COLQ: variants seen among roughly 807,000 people sequenced by gnomAD.
COLQ encodes the protein collagen like tail subunit of asymmetric acetylcholinesterase.
COLQ carries 48 observed loss-of-function variants against 69.0 expected under a neutral mutation model. The observed-to-expected ratio is 0.70, with a 90% CI of 0.55 to 0.88. The LOEUF is 0.88. Among genes scored for constraint, COLQ ranks in the 40% least tolerant of loss-of-function variants. COLQ has a pLI of 0.00. For missense variants in COLQ, 618 were observed against 594.6 expected, an observed-to-expected ratio of 1.04 and a Z score of -0.41; for synonymous variants, 217 against 211.2, an observed-to-expected ratio of 1.03 and a Z score of -0.24.
chr3:15,454,361 C>T (rs2061995331), intron 15 of COLQ, among the ~76,000 whole-genome samples: 1 of 152,190 alleles, frequency 6.6e-6, no homozygotes, highest in Non-Finnish European at 1.5e-5. Context: ...AGCCTTGTGT[C>T]CCTGGGGAGC....
intron 1 of COLQ, among the ~76,000 whole-genome samples, chr3:15,497,036 CTT>C (rs371974104): frequency 5.6e-5 from 6 of 107,526 alleles, no homozygotes; most frequent in Admixed American, 1.1e-4. Flanking sequence ...GTCCTTTTGC[CTT>C]TTTTTTTTTT....
Position 15,475,701 on chromosome 3 carries a change from C to T in COLQ, c.466-214G>A, listed in dbSNP as rs75395973. On this transcript the variant is annotated intron_variant, in intron 6 of 16. Coordinates refer to ENST00000383788, the MANE Select transcript of COLQ (RefSeq NM_005677.4). ...TTTAAGATTAAATATAAAATGAAAACGCCCAAAGTGAAGCAGATCCCCACA... is the reference window on the plus strand; with the variant it reads ...TTTAAGATTAAATATAAAATGAAAATGCCCAAAGTGAAGCAGATCCCCACA... 0.043 allele frequency among the ~76,000 whole-genome samples: 6,529 copies of T among 152,158 alleles called. 167 individuals are homozygous for T. The highest frequency in any genetic ancestry group is 0.065 in the African/African-American group (2,716 of 41,494).
At chr3:15,484,624 C>T (rs929438375) in intron 3 of COLQ, among the ~76,000 whole-genome samples, 33 of 152,308 alleles carry the variant, frequency 2.2e-4, no homozygotes, top group Non-Finnish European at 4.7e-4. Context: ...TCTTCTTACT[C>T]TTTTTTCTCT....
chr3:15,451,365 G>A lies in COLQ; in HGVS notation c.*279C>T. The A allele has an allele frequency of 3.3e-6, 2 of 599,102 alleles. No individual in the cohort carries two copies. The highest frequency in any genetic ancestry group is 2.5e-5 in the Admixed American group (1 of 40,514). The allele number at this position is 599,102 out of a possible 1,614,324, so 37.1% of individuals were successfully genotyped here. A position where few individuals can be genotyped will look rare whatever the true frequency, so the allele number is the denominator to read the frequency against. ...TCAGCAACATTCCAGAAGAGGAAGA[G>A]CATTGTAGCCGGTTGTTTGGCCAAA... On this transcript the variant is annotated 3_prime_UTR_variant, in exon 17 of 17. Coordinates refer to ENST00000383788, the MANE Select transcript of COLQ (RefSeq NM_005677.4).
chr3:15,489,772 GCCT>G (rs2062634037), intron 1 of COLQ, 135 bp from the exon 2 acceptor site: 1 of 737,380 alleles, frequency 1.4e-6, no homozygotes, highest in Non-Finnish European at 2.4e-6. Context: ...ATGTGGATAG[GCCT>G]CCTGTTGGCT....
chr3:15,512,444 G>A (rs559921719), intron 1 of COLQ, among the ~76,000 whole-genome samples: 4 of 152,296 alleles, frequency 2.6e-5, no homozygotes, highest in Non-Finnish European at 5.9e-5. Flanking sequence ...AGAGGGCCAG[G>A]TGTATTTTTA....
intron 14 of COLQ, 82 bp downstream of exon 14, chr3:15,456,378 G>T (rs1307240940): frequency 6.3e-7 from 1 of 1,586,170 alleles, no homozygotes; most frequent in African/African-American, 1.4e-5. Context: ...CCCAGGCCCA[G>T]TGGGGTGGCC....
chr3:15,492,733 G>A (rs926721216), intron 1 of COLQ, among the ~76,000 whole-genome samples: 8 of 152,000 alleles, frequency 5.3e-5, no homozygotes, highest in Non-Finnish European at 7.4e-5. Context: ...ATATAAGTAC[G>A]AATGTTCCTT....
At chr3:15,502,032 G>T (rs1223778651) in intron 1 of COLQ, among the ~76,000 whole-genome samples, 1 of 150,790 alleles carries the variant, frequency 6.6e-6, no homozygotes, top group South Asian at 2.1e-4. Context: ...CAATGGTTTT[G>T]TTTACTCAGG....
intron 1 of COLQ, among the ~76,000 whole-genome samples, chr3:15,491,191 A>G (rs1411981730): frequency 1.3e-5 from 2 of 152,068 alleles, no homozygotes; most frequent in Non-Finnish European, 2.9e-5. Flanking sequence ...TAAAAAAAAG[A>G]AGAAAAAAAA....
chr3:15,485,739 C>T (rs9859396), intron 3 of COLQ, among the ~76,000 whole-genome samples: 4,316 of 152,236 alleles, frequency 0.028, 188 homozygotes, highest in African/African-American at 0.097. Flanking sequence ...GGGAGTATTG[C>T]TTGAGCCCAG....
At chr3:15,506,725 T>G (rs2062916367) in intron 1 of COLQ, 1 of 152,144 alleles carries the variant, frequency 6.6e-6, no homozygotes, top group Admixed American at 6.5e-5. Flanking sequence ...CCTGAGCGGG[T>G]TCACCCCTCC....
chr3:15,505,989 G>A (rs953598271), intron 1 of COLQ, among the ~76,000 whole-genome samples: 2 of 152,170 alleles, frequency 1.3e-5, no homozygotes, highest in African/African-American at 4.8e-5. Context: ...CACAACAGGT[G>A]GGGAGGAGGG....
intron 2 of COLQ, 60 bp downstream of exon 2, chr3:15,489,465 G>C: frequency 6.7e-7 from 1 of 1,496,628 alleles, no homozygotes; most frequent in Admixed American, 1.7e-5. Context: ...AGGTGGGGCT[G>C]CGTGGTGTGC....
At position 15,489,656 on chromosome 3, in the gene COLQ, C is replaced by T. The variant is rs200529572; in HGVS notation, c.107-19G>A. ...GGAAGGGCTGTTCAGAGAAAACTGC[C>T]GCTCGTTAGCATGTGGTCAGTGCTG... On this transcript the variant is annotated intron_variant, in intron 1 of 16. Transcript: ENST00000383788. 2.1e-3 allele frequency: 3,426 copies of T among 1,610,092 alleles called. 5 individuals are homozygous for T. The highest frequency in any genetic ancestry group is 2.5e-3 in the Non-Finnish European group (2,912 of 1,177,244).
chr3:15,489,763 T>C, intron 1 of COLQ, 126 bp from the exon 2 acceptor site: 3 of 787,792 alleles, frequency 3.8e-6, no homozygotes, highest in Non-Finnish European at 6.6e-6. Context: ...GCCTGTTAGA[T>C]GTGGATAGGC....
chr3:15,451,731 AC>A lies in COLQ; in HGVS notation c.1299-19del. On this transcript the variant is annotated intron_variant, in intron 16 of 16. Coordinates refer to ENST00000383788, the MANE Select transcript of COLQ (RefSeq NM_005677.4). ...CATATGACCTGAGGGAGGCAAAGAC[AC>A]GTTCTAAAAGGCCACCTCTTATATG... The A allele has an allele frequency of 1.2e-6, 2 of 1,611,834 alleles. No individual in the cohort carries two copies. Among genetic ancestry groups the A allele is most frequent in the South Asian group, 1.1e-5 (1 of 91,008 alleles).
At chr3:15,508,939 T>A (rs1466666242) in intron 1 of COLQ, among the ~76,000 whole-genome samples, 3 of 152,084 alleles carry the variant, frequency 2.0e-5, no homozygotes, top group Non-Finnish European at 4.4e-5. Flanking sequence ...TCGCTTGAGC[T>A]CAGGAGTTCA....
At chr3:15,494,136 G>T (rs2062711035) in intron 1 of COLQ, among the ~76,000 whole-genome samples, 1 of 152,198 alleles carries the variant, frequency 6.6e-6, no homozygotes, top group African/African-American at 2.4e-5. Flanking sequence ...GGGCTAGATT[G>T]TGCTGTTTTG....
Sources: gnomAD v4.1 joint callset for allele counts (sites outside exome capture counted in the v4.1 genomes callset) on GRCh38, gnomAD v4.1.1 for gene constraint, MANE v1.5 for transcripts, NCBI Gene and HGNC (gene_info 2026-07-23, HGNC 2026-07-21) for gene names.